Variants in GYPC observed in about 807,000 individuals in gnomAD.
The protein encoded by GYPC is glycophorin-C.
Under a neutral mutation model 12.6 loss-of-function variants are expected in GYPC, and 14 were observed. That is an observed-to-expected ratio of 1.11 (90% CI 0.74 to 1.74). GYPC has a LOEUF of 1.74. Ranked by LOEUF, GYPC falls within the 40% of genes most tolerant of loss-of-function variation. The pLI is 0.00. For missense variants in GYPC, 225 were observed against 172.1 expected, an observed-to-expected ratio of 1.31 and a Z score of -1.72; for synonymous variants, 78 against 62.1, an observed-to-expected ratio of 1.26 and a Z score of -1.20.
chr2:126,680,968 C>A (rs13398453), intron 1 of GYPC, among the ~76,000 whole-genome samples: 1 of 152,054 alleles, frequency 6.6e-6, no homozygotes, highest in African/African-American at 2.4e-5. Context: ...GTCAGGGCGG[C>A]GGGAAGGGAC....
chr2:126,668,752 G>A (rs1413281863), intron 1 of GYPC, among the ~76,000 whole-genome samples: 1 of 152,196 alleles, frequency 6.6e-6, no homozygotes, highest in Non-Finnish European at 1.5e-5. Flanking sequence ...GAAACACTTG[G>A]CGTTATGGTG....
At chr2:126,660,946 G>T (rs1682518296) in intron 1 of GYPC, among the ~76,000 whole-genome samples, 1 of 152,050 alleles carries the variant, frequency 6.6e-6, no homozygotes, top group South Asian at 2.1e-4. Flanking sequence ...CTCTCATCTT[G>T]GCCTGGGGTT....
intron 1 of GYPC, chr2:126,686,203 G>T (rs1309468819): frequency 3.7e-5 from 36 of 985,030 alleles, no homozygotes; most frequent in Non-Finnish European, 4.2e-5. Flanking sequence ...CAGCCTCAGG[G>T]CTAGCACCTG....
intron 1 of GYPC, among the ~76,000 whole-genome samples, chr2:126,679,360 C>T (rs568094098): frequency 2.6e-5 from 4 of 152,146 alleles, no homozygotes; most frequent in Admixed American, 6.5e-5. Context: ...TCATTAATGT[C>T]ATTGGAAGCA....
At position 126,656,190 on chromosome 2, in the gene GYPC, C is replaced by A; in HGVS notation, c.-74C>A. The A allele has an allele frequency of 6.5e-7, 1 of 1,533,808 alleles. No individual in the cohort carries two copies. The highest frequency in any genetic ancestry group is 1.4e-5 in the African/African-American group (1 of 71,536). On this transcript the variant is annotated 5_prime_UTR_variant, in exon 1 of 4. Transcript: ENST00000259254. ...CCGCCGAGGGTCAGGAGCCCGGGAG[C>A]GCGACCCTCCCCCGGCCCGGCCTGG... is the stretch of plus-strand genomic sequence containing the variant.
rs28369974 is a variant in GYPC at position 126,662,087 on chromosome 2, A to G, written c.49+5775A>G. Among the ~76,000 whole-genome samples the G allele has an allele frequency of 1.0e-2, 1,523 of 152,328 alleles. 15 individuals are homozygous for G. Among genetic ancestry groups the G allele is most frequent in the Non-Finnish European group, 0.016 (1,111 of 68,020 alleles). On this transcript the variant is annotated intron_variant, in intron 1 of 3. Coordinates refer to ENST00000259254, the MANE Select transcript of GYPC (RefSeq NM_002101.5). The stretch of plus-strand genomic sequence containing the variant: ...ACAGGGTCTCCAGCTGACCCAGCCC[A>G]GCACTGCCACTCTTCCTCCTTGAAC...
chr2:126,666,362 G>A (rs1033946682), intron 1 of GYPC, among the ~76,000 whole-genome samples: 13 of 152,322 alleles, frequency 8.5e-5, no homozygotes, highest in Admixed American at 2.0e-4. Flanking sequence ...CAAGCCAGCC[G>A]GAGGATCATT....
In GYPC at chr2:126,663,950, G is replaced by GTCTCTCTC. The variant is rs61649506; in HGVS notation, c.49+7682_49+7689dup. 1.8e-3 allele frequency among the ~76,000 whole-genome samples: 236 copies of GTCTCTCTC among 129,904 alleles called. 6 individuals carry two copies. Among genetic ancestry groups the GTCTCTCTC allele is most frequent in the African/African-American group, 5.9e-3 (191 of 32,122 alleles). The allele number at this position is 129,904 out of a possible 152,430, so 85.2% of individuals were successfully genotyped here. On this transcript the variant is annotated intron_variant, in intron 1 of 3. Transcript: ENST00000259254. Reference sequence around the variant, plus strand: ...GGAGCTGGGTCTCTCTAAGGTTCTGGTCTCTCTCTCTCTCTCTCTCTCTCT... The same window carrying GTCTCTCTC: ...GGAGCTGGGTCTCTCTAAGGTTCTGGTCTCTCTCTCTCTCTCTCTCTCTCTCTCTCTCT...
At chr2:126,675,778 C>T (rs953465191) in intron 1 of GYPC, 2 of 583,384 alleles carry the variant, frequency 3.4e-6, no homozygotes, top group Non-Finnish European at 4.3e-6. Flanking sequence ...TAGTGATATT[C>T]ACCGTAGTAG....
At chr2:126,690,534 T>C (rs1683430884) in intron 2 of GYPC, among the ~76,000 whole-genome samples, 1 of 152,140 alleles carries the variant, frequency 6.6e-6, no homozygotes, top group Admixed American at 6.5e-5. Context: ...GGTAAATAAA[T>C]ATACATAGGT....
chr2:126,684,569 C>T (rs1198752309), intron 1 of GYPC, among the ~76,000 whole-genome samples: 4 of 152,208 alleles, frequency 2.6e-5, no homozygotes, highest in Non-Finnish European at 5.9e-5. Context: ...CCTGAGGATA[C>T]TGGAGATCTA....
At chr2:126,686,121 C>CT (rs1364400029) in intron 1 of GYPC, 11 of 985,260 alleles carry the variant, frequency 1.1e-5, no homozygotes, top group Non-Finnish European at 1.3e-5. Context: ...AAAAAGAGAA[C>CT]TTTTTAGCAC....
chr2:126,657,085 C>T (rs6729097), intron 1 of GYPC, among the ~76,000 whole-genome samples: 92,796 of 152,110 alleles, frequency 0.61, 28,560 homozygotes, highest in Middle Eastern at 0.68. Context: ...AGAGGAGATA[C>T]CCTGAGCCTA....
chr2:126,689,162 A>C (rs1683378028), intron 1 of GYPC, among the ~76,000 whole-genome samples: 1 of 152,106 alleles, frequency 6.6e-6, no homozygotes, highest in Non-Finnish European at 1.5e-5. Flanking sequence ...GTCAATGTAA[A>C]GACCTATGGG....
At chr2:126,679,477 A>G (rs2104791880) in intron 1 of GYPC, 1 of 152,312 alleles carries the variant, frequency 6.6e-6, no homozygotes, top group South Asian at 2.1e-4. Flanking sequence ...AAAAATTGAG[A>G]GAAGGATCAG....
chr2:126,690,278 G>C lies in GYPC; in HGVS notation c.73G>C (p.Ala25Pro). ...SLEPDPGMAS[A>P]STTMHTTTIA... ...AGAGCCTGATCCGGGGATGGCCTCTGCCTCCACCACAATGCATACTACCAC... is the reference window on the plus strand; with the variant it reads ...AGAGCCTGATCCGGGGATGGCCTCTCCCTCCACCACAATGCATACTACCAC... Residue 25 changes from alanine to proline, a missense_variant, in exon 2 of 4, where the codon GCC becomes CCC. Ala to Pro is a conservative substitution (Grantham distance 27). Transcript: ENST00000259254. 1 of 1,613,276 alleles carries C rather than the reference G, an allele frequency of 6.2e-7. No homozygotes were observed. Among genetic ancestry groups the C allele is most frequent in the Non-Finnish European group, 8.5e-7 (1 of 1,179,210 alleles).
At position 126,656,394 on chromosome 2, in the gene GYPC, C is replaced by T. The variant is rs1243645664; in HGVS notation, c.49+82C>T. 2.4e-6 allele frequency: 3 copies of T among 1,253,360 alleles called. No individual in the cohort carries two copies. The African/African-American group carries it at 4.6e-5, about 19-fold the overall frequency. 77.6% of individuals were successfully genotyped at this position (1,253,360 alleles called of 1,614,324 possible). A position where few individuals can be genotyped will look rare whatever the true frequency, so the allele number is the denominator to read the frequency against. On this transcript the variant is annotated intron_variant, in intron 1 of 3. Transcript: ENST00000259254. ...GCAGCCAGGGGCCGAGCCACGGCCA[C>T]GGACGCCCTGGTGTCCCGGTCCGTG...
In GYPC at chr2:126,696,283, C is replaced by A; in HGVS notation, c.*141C>A. 2.7e-6 allele frequency: 2 copies of A among 732,488 alleles called. No individual in the cohort carries two copies. Among genetic ancestry groups the A allele is most frequent in the South Asian group, 1.5e-5 (1 of 65,700 alleles). The allele number at this position is 732,488 out of a possible 1,614,324, so 45.4% of individuals were successfully genotyped here. Reference sequence around the variant, plus strand: ...TTCCCGAGATAGCCACCTGGAAACACTAGGTGCCTGCCCAGGGAGGAACGG... The same window carrying A: ...TTCCCGAGATAGCCACCTGGAAACAATAGGTGCCTGCCCAGGGAGGAACGG... On this transcript the variant is annotated 3_prime_UTR_variant, in exon 4 of 4. Transcript: ENST00000259254.
Position 126,656,254 on chromosome 2 carries a change from A to G in GYPC, c.-10A>G, listed in dbSNP as rs759450948. The G allele has an allele frequency of 3.3e-5, 53 of 1,601,014 alleles. No individual in the cohort carries two copies. Among genetic ancestry groups the G allele is most frequent in the Non-Finnish European group, 4.5e-5 (53 of 1,175,658 alleles). Reference sequence around the variant, plus strand: ...GTCCCCGCGGTCTCTGCCCGGGCTGACGCCCAGGAATGTGGTCGACGAGAA... The same window carrying G: ...GTCCCCGCGGTCTCTGCCCGGGCTGGCGCCCAGGAATGTGGTCGACGAGAA... On this transcript the variant is annotated 5_prime_UTR_variant, in exon 1 of 4. Coordinates refer to ENST00000259254, the MANE Select transcript of GYPC (RefSeq NM_002101.5).
Sources: gnomAD v4.1 joint callset for allele counts (sites outside exome capture counted in the v4.1 genomes callset) on GRCh38, gnomAD v4.1.1 for gene constraint, MANE v1.5 for transcripts, NCBI Gene and HGNC (gene_info 2026-07-23, HGNC 2026-07-21) for gene names.